ITPK1: variants seen among roughly 807,000 people sequenced by gnomAD.
The protein encoded by ITPK1 is inositol-tetrakisphosphate 1-kinase, also known as inositol 1,3,4-trisphosphate 5/6-kinase.
ITPK1 carries 21 observed loss-of-function variants against 45.3 expected under a neutral mutation model. The observed-to-expected ratio is 0.46, with a 90% confidence interval of 0.33 to 0.67. The LOEUF (loss-of-function observed/expected upper bound fraction) is 0.67. ITPK1 is among the 30% of genes least tolerant of loss of function. The pLI, the probability that ITPK1 is intolerant of heterozygous loss-of-function variation, is 0.02. For synonymous variants in ITPK1, 258 were observed against 253.6 expected, an observed-to-expected ratio of 1.02 and a Z score of -0.16; for missense variants, 474 against 573.5, an observed-to-expected ratio of 0.83 and a Z score of 1.77.
intron 3 of ITPK1, among the ~76,000 whole-genome samples, chr14:93,051,659 T>A (rs1200476924): frequency 2.7e-5 from 4 of 146,614 alleles, no homozygotes; most frequent in African/African-American, 1.0e-4. Flanking sequence ...GTGAAGGGAG[T>A]GGTGAGCAAC....
chr14:93,036,091 G>C lies in ITPK1; in HGVS notation c.121-19290C>G, dbSNP rs529130324. Among the ~76,000 whole-genome samples the C allele has an allele frequency of 1.2e-3, 186 of 152,298 alleles. 2 individuals are homozygous for C. The highest frequency in any genetic ancestry group is 4.1e-3 in the African/African-American group (172 of 41,558). ...CCCAAGGCCACCCTTTCCAAGAAAG[G>C]GCTACGAAAGCAATGGTGGCGTCAG... On this transcript the variant is annotated intron_variant, in intron 3 of 10. Coordinates refer to ENST00000267615, the MANE Select transcript of ITPK1 (RefSeq NM_014216.6). This position sits in a 1 kb window ranked among gnomAD's most constrained non-coding sequence, Gnocchi z 4.1.
chr14:92,963,836 C>T (rs1029637611), intron 5 of ITPK1, among the ~76,000 whole-genome samples: 1 of 152,222 alleles, frequency 6.6e-6, no homozygotes, highest in Non-Finnish European at 1.5e-5. Context: ...TGTCCCCCTT[C>T]CCTGATAAGA....
intron 3 of ITPK1, among the ~76,000 whole-genome samples, chr14:93,060,002 G>A (rs1192272769): frequency 1.3e-5 from 2 of 151,866 alleles, no homozygotes; most frequent in Non-Finnish European, 2.9e-5. Context: ...CAGCATTCAA[G>A]ATCCAGGGCT....
chr14:93,047,444 G>C (rs2139923075), intron 3 of ITPK1, among the ~76,000 whole-genome samples: 1 of 152,350 alleles, frequency 6.6e-6, no homozygotes, highest in East Asian at 1.9e-4. Flanking sequence ...GAGGTCATCA[G>C]GGTTGGCCCT....
At chr14:92,992,703 C>A (rs1217014057) in intron 5 of ITPK1, among the ~76,000 whole-genome samples, 1 of 152,246 alleles carries the variant, frequency 6.6e-6, no homozygotes, top group Non-Finnish European at 1.5e-5. Flanking sequence ...AGATCCAGGG[C>A]CCTCTGGCCA....
In ITPK1 at chr14:92,938,580, C is replaced by A; in HGVS notation, c.*2981G>T. The A allele has an allele frequency of 1.4e-6, 2 of 1,446,114 alleles. No individual in the cohort carries two copies. The highest frequency in any genetic ancestry group is 1.9e-6 in the Non-Finnish European group (2 of 1,030,120). The allele number at this position is 1,446,114 out of a possible 1,614,324, so 89.6% of individuals were successfully genotyped here. A position where few individuals can be genotyped will look rare whatever the true frequency, so the allele number is the denominator to read the frequency against. On this transcript the variant is annotated 3_prime_UTR_variant, in exon 11 of 11. Coordinates refer to ENST00000267615, the MANE Select transcript of ITPK1 (RefSeq NM_014216.6). ...GGTTGCTTTCTCCTTTATTGACAGGCATGAGACACAGGCAGGCCCAGGCAC... is the reference window on the plus strand; with the variant it reads ...GGTTGCTTTCTCCTTTATTGACAGGAATGAGACACAGGCAGGCCCAGGCAC...
In ITPK1 at chr14:93,115,113, C is replaced by T; in HGVS notation, c.51G>A (p.Lys17=). 1.2e-6 allele frequency: 2 copies of T among 1,603,010 alleles called. No homozygotes were observed. Among genetic ancestry groups the T allele is most frequent in the Non-Finnish European group, 1.7e-6 (2 of 1,175,862 alleles). The change falls in exon 2 of 11, where the codon AAG becomes AAA. Residue 17 remains lysine (K), a synonymous_variant. Coordinates refer to ENST00000267615, the MANE Select transcript of ITPK1 (RefSeq NM_014216.6). ...CCTGGAAATTCAGCTTCTTGATTTT[C>T]TTCTCGCTCAGCCAGTAGCCAACTC... The part of the protein sequence containing the change: ...GKRVGYWLSE[K]KIKKLNFQAF...
At chr14:93,098,340 C>A (rs1174215088) in intron 2 of ITPK1, among the ~76,000 whole-genome samples, 1 of 152,042 alleles carries the variant, frequency 6.6e-6, no homozygotes, top group Non-Finnish European at 1.5e-5. Context: ...ACCTGTAGTC[C>A]CAGCTACTCG....
intron 4 of ITPK1, among the ~76,000 whole-genome samples, chr14:93,010,769 G>A (rs3825682): frequency 0.27 from 41,118 of 152,100 alleles, 5,826 homozygotes; most frequent in Admixed American, 0.35. Context: ...TTCACTAGGC[G>A]CCGGGCCTGT....
intron 3 of ITPK1, among the ~76,000 whole-genome samples, chr14:93,030,315 C>T (rs771490343): frequency 1.8e-4 from 27 of 152,260 alleles, no homozygotes; most frequent in Non-Finnish European, 3.5e-4. Flanking sequence ...GAAACCGTTA[C>T]TGCTTCATGA....
At chr14:92,949,629 C>T (rs1010396076) in intron 9 of ITPK1, among the ~76,000 whole-genome samples, 2 of 152,248 alleles carry the variant, frequency 1.3e-5, no homozygotes, top group Admixed American at 1.3e-4. Flanking sequence ...AAACATCTCG[C>T]TGTGAGATTG....
intron 4 of ITPK1, among the ~76,000 whole-genome samples, chr14:93,001,819 G>A (rs1887369982): frequency 6.6e-6 from 1 of 152,204 alleles, no homozygotes; most frequent in East Asian, 1.9e-4. Flanking sequence ...GCCCAGCTGA[G>A]GGCCACAAGG....
chr14:93,093,967 C>T (rs762043808), intron 2 of ITPK1, among the ~76,000 whole-genome samples: 4 of 152,250 alleles, frequency 2.6e-5, no homozygotes, highest in Non-Finnish European at 4.4e-5. Context: ...ATCCTCACCC[C>T]GATTGCCAAG....
At chr14:92,953,390 C>T (rs745986011) in intron 8 of ITPK1, among the ~76,000 whole-genome samples, 3 of 152,206 alleles carry the variant, frequency 2.0e-5, no homozygotes, top group Non-Finnish European at 4.4e-5. Context: ...ATAAACACCC[C>T]GCAGGACATG....
chr14:93,084,610 C>G (rs1284039667), intron 2 of ITPK1, among the ~76,000 whole-genome samples: 3 of 152,200 alleles, frequency 2.0e-5, no homozygotes, highest in African/African-American at 4.8e-5. Flanking sequence ...CTGGCCTATC[C>G]TGACTAACAA....
At position 92,938,053 on chromosome 14, in the gene ITPK1, G is replaced by A. The variant is rs561243970; in HGVS notation, c.*3508C>T. The stretch of plus-strand genomic sequence containing the variant: ...TGGCTCACTGCAACCTACGCCTCCC[G>A]AGTTCAAGCAATTCTCCTGCCTCAG... On this transcript the variant is annotated 3_prime_UTR_variant, in exon 11 of 11. Coordinates refer to ENST00000267615, the MANE Select transcript of ITPK1 (RefSeq NM_014216.6). 4.9e-4 allele frequency: 100 copies of A among 202,794 alleles called. No homozygotes were observed. Among genetic ancestry groups the A allele is most frequent in the African/African-American group, 2.3e-3 (98 of 42,582 alleles). The allele number at this position is 202,794 out of a possible 1,614,324, so 12.6% of individuals were successfully genotyped here. A position where few individuals can be genotyped will look rare whatever the true frequency, so the allele number is the denominator to read the frequency against.
chr14:92,942,063 G>A (rs1286984737), intron 10 of ITPK1, among the ~76,000 whole-genome samples, 159 bp from the exon 11 acceptor site: 2 of 152,184 alleles, frequency 1.3e-5, no homozygotes, highest in Non-Finnish European at 2.9e-5. Flanking sequence ...GCAGATAAGG[G>A]GGGCTGAGGG....
intron 3 of ITPK1, among the ~76,000 whole-genome samples, chr14:93,049,883 G>A (rs1889933551): frequency 6.6e-6 from 1 of 152,044 alleles, no homozygotes; most frequent in South Asian, 2.1e-4. Context: ...AGACCTTCAT[G>A]ACCATCTAAG....
intron 8 of ITPK1, among the ~76,000 whole-genome samples, chr14:92,952,834 C>T (rs552489869): frequency 6.6e-6 from 1 of 152,346 alleles, no homozygotes; most frequent in African/African-American, 2.4e-5. Flanking sequence ...TGGTCAGAAA[C>T]ACGCTTGTAG....
Sources: gnomAD v4.1 joint callset for allele counts (sites outside exome capture counted in the v4.1 genomes callset) on GRCh38, gnomAD v4.1.1 for gene constraint, Gnocchi (gnomAD v3.1) non-coding constraint, MANE v1.5 for transcripts, NCBI Gene and HGNC (gene_info 2026-07-23, HGNC 2026-07-21) for gene names.